Variants in FMNL3 observed in about 807,000 individuals in gnomAD.
FMNL3 encodes formin-like protein 3.
In FMNL3, 57 loss-of-function variants were observed where a neutral mutation model predicts 119.6. That is an observed-to-expected ratio of 0.48 (90% CI 0.39 to 0.59). The LOEUF is 0.59. Ranked by LOEUF, FMNL3 falls within the 20% of genes least tolerant of loss-of-function variation. The pLI, the probability that FMNL3 is intolerant of heterozygous loss-of-function variation, is 0.00. For synonymous variants in FMNL3, 491 were observed against 507.3 expected, an observed-to-expected ratio of 0.97 and a Z score of 0.43; for missense variants, 1,053 against 1,323.5, an observed-to-expected ratio of 0.80 and a Z score of 3.17.
rs779662069 is a variant in FMNL3 at position 49,651,889 on chromosome 12, C to T, written c.1603+44G>A. ...CTGCTGACTACAGTTTTGGTCCCCACAAAGAGGCTGCCCCTGTTGGCTCCC... is the reference window on the plus strand; with the variant it reads ...CTGCTGACTACAGTTTTGGTCCCCATAAAGAGGCTGCCCCTGTTGGCTCCC... On this transcript the variant is annotated intron_variant, in intron 14 of 25. Coordinates refer to ENST00000335154, the MANE Select transcript of FMNL3 (RefSeq NM_175736.5). 6 of 1,515,204 alleles carry T rather than the reference C, an allele frequency of 4.0e-6. No homozygotes were observed. The East Asian group carries it at 1.4e-4, about 36-fold the overall frequency. The allele number at this position is 1,515,204 out of a possible 1,614,324, so 93.9% of individuals were successfully genotyped here. A position where few individuals can be genotyped will look rare whatever the true frequency, so the allele number is the denominator to read the frequency against.
intron 1 of FMNL3, 39 bp downstream of exon 1, chr12:49,707,016 G>T: frequency 6.4e-7 from 1 of 1,552,466 alleles, no homozygotes; most frequent in Non-Finnish European, 8.7e-7. Flanking sequence ...GGGACCTGAG[G>T]GGCGGTACGC....
chr12:49,686,689 C>T (rs1016561023), intron 1 of FMNL3, among the ~76,000 whole-genome samples: 1 of 152,066 alleles, frequency 6.6e-6, no homozygotes, highest in East Asian at 1.9e-4. Flanking sequence ...CTTGCAGCTG[C>T]TTCCCAGACC....
At position 49,645,556 on chromosome 12, in the gene FMNL3, TA is replaced by T. The variant is rs1592633062; in HGVS notation, c.*258del. The stretch of plus-strand genomic sequence containing the variant: ...GGCTAAGGCTGGAAATGGTTTTTCC[TA>T]GCCCTGAGCTGACCCTTGGTGACCC... On this transcript the variant is annotated 3_prime_UTR_variant, in exon 26 of 26. Transcript: ENST00000335154. The T allele has an allele frequency of 1.5e-5, 7 of 464,604 alleles. No individual in the cohort carries two copies. In the East Asian group the frequency reaches 2.6e-4, roughly 18 times the overall value. The allele number at this position is 464,604 out of a possible 1,614,324, so 28.8% of individuals were successfully genotyped here. A position where few individuals can be genotyped will look rare whatever the true frequency, so the allele number is the denominator to read the frequency against.
chr12:49,651,543 TA>T (rs756742211), intron 14 of FMNL3, 93 bp from the exon 15 acceptor site: 107,083 of 743,878 alleles, frequency 0.14, no homozygotes, highest in East Asian at 0.19. Flanking sequence ...CTCTGAGAGT[TA>T]AAAAAAAAAA....
chr12:49,652,038 G>A lies in FMNL3; in HGVS notation c.1498C>T (p.Pro500Ser). 6.2e-7 allele frequency: 1 copy of A among 1,610,318 alleles called. No individual in the cohort carries two copies. The highest frequency in any genetic ancestry group is 8.5e-7 in the Non-Finnish European group (1 of 1,178,356). ...GGAGCCAGAAGGTCCAGGTCGGAGG[G>A]TGGCATGCCCTCACTCAGCTCTGCA... ...GPAELSEGMP[P>S]SDLDLLAPAP... Residue 500 changes from proline (P) to serine (S), a missense_variant, in exon 14 of 26, where the codon CCC (proline) becomes TCC (serine). Pro to Ser is a moderately conservative substitution (Grantham distance 74). This residue lies in a region of FMNL3 where 445 missense variants were observed against 628.4 expected (regional missense o/e 0.71). Transcript: ENST00000335154.
In FMNL3 at chr12:49,648,175, C is replaced by T. The variant is rs770585961; in HGVS notation, c.2676+18G>A. The T allele has an allele frequency of 5.0e-6, 8 of 1,607,360 alleles. No individual in the cohort carries two copies. In the Admixed American group the frequency reaches 6.7e-5, roughly 13 times the overall value. The stretch of plus-strand genomic sequence containing the variant: ...GCCTTGGCCCTGGTTGCTCCCACCG[C>T]CTGCACCCCGTGCTTGCCTCAGCCG... On this transcript the variant is annotated intron_variant, in intron 22 of 25. Coordinates refer to ENST00000335154, the MANE Select transcript of FMNL3 (RefSeq NM_175736.5).
In FMNL3 at chr12:49,643,850, G is replaced by A; in HGVS notation, c.*1965C>T. 1 of 1,614,146 alleles carries A rather than the reference G, an allele frequency of 6.2e-7. No homozygotes were observed. Among genetic ancestry groups the A allele is most frequent in the Non-Finnish European group, 8.5e-7 (1 of 1,179,992 alleles). On this transcript the variant is annotated 3_prime_UTR_variant, in exon 26 of 26. Transcript: ENST00000335154. ...ACAGGAACTGAGGAGGTGGGCTCTG[G>A]ACTCTTACAGAATAGTCCTGAGAGT...
At chr12:49,696,722 C>G (rs1046718042) in intron 1 of FMNL3, among the ~76,000 whole-genome samples, 2 of 152,342 alleles carry the variant, frequency 1.3e-5, no homozygotes, top group South Asian at 4.1e-4. Flanking sequence ...ACAAAGGATC[C>G]TTAATCAAAG....
intron 1 of FMNL3, among the ~76,000 whole-genome samples, chr12:49,705,948 A>G (rs1055825543): frequency 5.9e-5 from 9 of 152,198 alleles, no homozygotes; most frequent in African/African-American, 2.2e-4. Flanking sequence ...GAAATCCAAT[A>G]AGGCTGCTAA....
intron 5 of FMNL3, 164 bp downstream of exon 5, chr12:49,661,802 G>A (rs1023144923): frequency 4.8e-5 from 31 of 650,900 alleles, no homozygotes; most frequent in Admixed American, 1.3e-4. Flanking sequence ...AGACATCTCC[G>A]GGCTTGCCTG....
intron 1 of FMNL3, among the ~76,000 whole-genome samples, chr12:49,698,366 C>A (rs1343604854): frequency 6.6e-6 from 1 of 152,118 alleles, no homozygotes; most frequent in Non-Finnish European, 1.5e-5. Flanking sequence ...TAAACTTGTC[C>A]TCTACTGGCA....
chr12:49,665,773 G>T, intron 4 of FMNL3, 59 bp downstream of exon 4: 1 of 1,545,540 alleles, frequency 6.5e-7, no homozygotes. Context: ...ACCAGACCCT[G>T]TGTGCCCAGC....
chr12:49,691,501 C>A (rs1279915041), intron 1 of FMNL3, among the ~76,000 whole-genome samples: 3 of 152,178 alleles, frequency 2.0e-5, no homozygotes, highest in Non-Finnish European at 4.4e-5. Context: ...ACTAAAAATA[C>A]ATAGCCTGCC....
At chr12:49,675,027 G>A (rs765591160) in intron 1 of FMNL3, among the ~76,000 whole-genome samples, 1 of 152,098 alleles carries the variant, frequency 6.6e-6, no homozygotes, top group Non-Finnish European at 1.5e-5. Context: ...TTCCTCCACC[G>A]GATCCTGAGA....
chr12:49,652,842 G>C (rs1419207535), intron 13 of FMNL3, among the ~76,000 whole-genome samples: 3 of 152,142 alleles, frequency 2.0e-5, no homozygotes, highest in Admixed American at 1.3e-4. Context: ...TAGGATACCT[G>C]GTGGACATCC....
At chr12:49,662,070 G>C (rs1943749571) in intron 4 of FMNL3, 21 bp from the exon 5 acceptor site, 4 of 1,613,042 alleles carry the variant, frequency 2.5e-6, no homozygotes, top group Non-Finnish European at 3.4e-6. Context: ...AGGAAACACA[G>C]TGGAAGGGGT....
At chr12:49,693,915 T>C (rs1177393708) in intron 1 of FMNL3, among the ~76,000 whole-genome samples, 1 of 151,980 alleles carries the variant, frequency 6.6e-6, no homozygotes, top group Non-Finnish European at 1.5e-5. Context: ...CCTCAAGTGC[T>C]GGGATTACAG....
intron 1 of FMNL3, among the ~76,000 whole-genome samples, chr12:49,673,331 CA>C (rs1944095650): frequency 6.6e-6 from 1 of 152,228 alleles, no homozygotes; most frequent in Non-Finnish European, 1.5e-5. Flanking sequence ...GGCAAGTGGA[CA>C]CAAAATTTGG....
chr12:49,705,775 G>A (rs1354233619), intron 1 of FMNL3, among the ~76,000 whole-genome samples: 1 of 152,256 alleles, frequency 6.6e-6, no homozygotes, highest in Non-Finnish European at 1.5e-5. Context: ...GGCGGGCAGA[G>A]AGGTGCCAGC....
Sources: gnomAD v4.1 joint callset for allele counts (sites outside exome capture counted in the v4.1 genomes callset) on GRCh38, gnomAD v4.1.1 for gene constraint, gnomAD v4.1.1 regional missense constraint, MANE v1.5 for transcripts, NCBI Gene and HGNC (gene_info 2026-07-23, HGNC 2026-07-21) for gene names.